Variants in SMG6 observed in about 807,000 individuals in gnomAD.
SMG6 encodes the protein SMG6 nonsense mediated mRNA decay factor.
SMG6 carries 66 observed loss-of-function variants against 142.2 expected under a neutral mutation model. That is an observed-to-expected ratio of 0.46 (90% CI 0.38 to 0.57). The LOEUF (loss-of-function observed/expected upper bound fraction) is 0.57. Among genes scored for constraint, SMG6 ranks in the 20% least tolerant of loss-of-function variants. The probability of loss-of-function intolerance (pLI) is 0.00; values close to 1 mark genes in which losing one functional copy is unlikely to be tolerated. For missense variants in SMG6, 1,793 were observed against 1,832.0 expected, an observed-to-expected ratio of 0.98 and a Z score of 0.39; for synonymous variants, 779 against 702.4, an observed-to-expected ratio of 1.11 and a Z score of -1.72.
At chr17:2,219,028 T>A (rs2073097878) in intron 10 of SMG6, among the ~76,000 whole-genome samples, 1 of 152,246 alleles carries the variant, frequency 6.6e-6, no homozygotes, top group Admixed American at 6.5e-5. Flanking sequence ...CAGGTTTTAT[T>A]CTGCCATTTA....
chr17:2,236,954 C>T, intron 9 of SMG6: 1 of 573,980 alleles, frequency 1.7e-6, no homozygotes, highest in Non-Finnish European at 2.3e-6. Flanking sequence ...AAGCTAATAT[C>T]AAAGTTTCTC....
At chr17:2,220,270 AT>A (rs1462679890) in intron 10 of SMG6, among the ~76,000 whole-genome samples, 2 of 152,208 alleles carry the variant, frequency 1.3e-5, no homozygotes, top group East Asian at 3.8e-4. Flanking sequence ...TTACAGCTTT[AT>A]TTATAATACT....
At chr17:2,221,128 C>CA (rs1284158958) in intron 10 of SMG6, among the ~76,000 whole-genome samples, 2 of 152,148 alleles carry the variant, frequency 1.3e-5, no homozygotes, top group African/African-American at 4.8e-5. Context: ...TCCAGAGCCC[C>CA]AATGATATTT....
intron 13 of SMG6, among the ~76,000 whole-genome samples, chr17:2,095,752 G>T (rs2068839391): frequency 6.6e-6 from 1 of 152,186 alleles, no homozygotes; most frequent in Admixed American, 6.5e-5. Context: ...CTTTCAGGCG[G>T]ATGGGTCCCG....
rs549384303 is a variant in SMG6, at chr17:2,202,742, G to A, written c.2870-14227C>T. 4.0e-4 allele frequency among the ~76,000 whole-genome samples: 61 copies of A among 152,304 alleles called. 1 individual carries two copies. Among genetic ancestry groups the A allele is most frequent in the Non-Finnish European group, 2.1e-4 (14 of 68,034 alleles). On this transcript the variant is annotated intron_variant, in intron 10 of 18. Transcript: ENST00000263073. ...TTTATCTAACACTCAGAAAACCCCT[G>A]AGAATTGGCACTGATAACCTGCTTT...
chr17:2,184,657 C>CA (rs150364302), intron 12 of SMG6, among the ~76,000 whole-genome samples: 1,682 of 52,128 alleles, frequency 0.032, 50 homozygotes, highest in African/African-American at 0.08. Context: ...AACTCCGTCT[C>CA]AAAAAAAAAA....
chr17:2,129,142 T>C (rs1567620684), intron 13 of SMG6, among the ~76,000 whole-genome samples: 2 of 151,846 alleles, frequency 1.3e-5, no homozygotes, highest in Non-Finnish European at 1.5e-5. Flanking sequence ...GAGCCCAGGA[T>C]GGCGAAACCC....
Position 2,079,858 on chromosome 17 carries a change from T to G in SMG6, c.3681+1952A>C, listed in dbSNP as rs550495517. Among the ~76,000 whole-genome samples, 6 of 152,042 alleles carry G rather than the reference T, an allele frequency of 3.9e-5. No homozygotes were observed. The South Asian group carries it at 1.2e-3, about 32-fold the overall frequency. On this transcript the variant is annotated intron_variant, in intron 15 of 18. Transcript: ENST00000263073. Reference sequence around the variant, plus strand: ...GGGAGGCCAAGGCGGGCAGATCACCTGAGGTCAGGAGTTTGAGACCAGCCT... The same window carrying G: ...GGGAGGCCAAGGCGGGCAGATCACCGGAGGTCAGGAGTTTGAGACCAGCCT...
rs115779351 is a variant in SMG6 at position 2,120,455 on chromosome 17, T to C, written c.3358-34554A>G. Reference sequence around the variant, plus strand: ...AAAAGTATACAACTTCAGCTGGGCATGGGGGCTCACGCCTAGCACTTTGGA... The same window carrying C: ...AAAAGTATACAACTTCAGCTGGGCACGGGGGCTCACGCCTAGCACTTTGGA... On this transcript the variant is annotated intron_variant, in intron 13 of 18. Transcript: ENST00000263073. 1.9e-3 allele frequency among the ~76,000 whole-genome samples: 290 copies of C among 152,298 alleles called. 2 individuals carry two copies. The highest frequency in any genetic ancestry group is 5.9e-3 in the African/African-American group (246 of 41,564).
chr17:2,095,467 C>A (rs886899290), intron 13 of SMG6, among the ~76,000 whole-genome samples: 4 of 152,188 alleles, frequency 2.6e-5, no homozygotes, highest in African/African-American at 9.6e-5. Flanking sequence ...AGGCAACATG[C>A]AGTTCAGCAA....
At chr17:2,292,768 C>CA in intron 5 of SMG6, 103 bp downstream of exon 5, 1 of 1,378,208 alleles carries the variant, frequency 7.3e-7, no homozygotes. Flanking sequence ...CTACAGGGAC[C>CA]AATAGGGACA....
At chr17:2,206,361 G>A (rs992894329) in intron 10 of SMG6, among the ~76,000 whole-genome samples, 1 of 151,992 alleles carries the variant, frequency 6.6e-6, no homozygotes, top group African/African-American at 2.4e-5. Context: ...CGAGGCTGGA[G>A]AATCACTTGA....
At chr17:2,080,475 C>T (rs2068385886) in intron 15 of SMG6, among the ~76,000 whole-genome samples, 1 of 152,186 alleles carries the variant, frequency 6.6e-6, no homozygotes, top group African/African-American at 2.4e-5. Flanking sequence ...GGTATTTATT[C>T]CTCTTCCCTG....
At chr17:2,186,401 C>T (rs1255773324) in intron 12 of SMG6, among the ~76,000 whole-genome samples, 2 of 151,342 alleles carry the variant, frequency 1.3e-5, no homozygotes, top group Admixed American at 6.6e-5. Flanking sequence ...GATGAGGGAA[C>T]GAGAGCAAGA....
chr17:2,128,146 G>T (rs2069963720), intron 13 of SMG6, among the ~76,000 whole-genome samples: 1 of 152,218 alleles, frequency 6.6e-6, no homozygotes, highest in South Asian at 2.1e-4. Context: ...GCGATGCCCA[G>T]GGCAAGGCCC....
intron 13 of SMG6, among the ~76,000 whole-genome samples, chr17:2,148,361 T>A (rs1012553808): frequency 3.9e-5 from 6 of 152,190 alleles, no homozygotes; most frequent in African/African-American, 1.4e-4. Context: ...AACCCAAGTG[T>A]CCATCAACAG....
At chr17:2,186,046 C>T (rs748568726) in intron 12 of SMG6, among the ~76,000 whole-genome samples, 1 of 151,776 alleles carries the variant, frequency 6.6e-6, no homozygotes, top group African/African-American at 2.4e-5. Flanking sequence ...GGCAACACGG[C>T]GAAACCCTGT....
chr17:2,116,419 G>T (rs1173356556), intron 13 of SMG6, among the ~76,000 whole-genome samples: 1 of 151,940 alleles, frequency 6.6e-6, no homozygotes, highest in African/African-American at 2.4e-5. Flanking sequence ...TTCATAAAAA[G>T]ATACCATTAA....
At chr17:2,211,693 T>C (rs2072869906) in intron 10 of SMG6, among the ~76,000 whole-genome samples, 1 of 151,284 alleles carries the variant, frequency 6.6e-6, no homozygotes, top group African/African-American at 2.4e-5. Context: ...AGGGCGTTCT[T>C]TGACCTTCAG....
Sources: allele counts gnomAD v4.1 joint callset (sites outside exome capture counted in the v4.1 genomes callset), GRCh38; gene constraint gnomAD v4.1.1; transcripts MANE v1.5; gene names NCBI Gene and HGNC (gene_info 2026-07-23, HGNC 2026-07-21).